GPR39: variants seen among roughly 807,000 people sequenced by gnomAD.
GPR39 encodes G protein-coupled receptor 39, also known as zinc sensing receptor.
In GPR39, 23 loss-of-function variants were observed where a neutral mutation model predicts 18.4. That is an observed-to-expected ratio of 1.25 (90% confidence interval 0.90 to 1.77). The LOEUF is 1.77. Among genes scored for constraint, GPR39 ranks in the 40% most tolerant of loss-of-function variants. The pLI is 0.00. For synonymous variants in GPR39, 280 were observed against 257.9 expected, an observed-to-expected ratio of 1.09 and a Z score of -0.82; for missense variants, 647 against 602.4, an observed-to-expected ratio of 1.07 and a Z score of -0.78.
intron 1 of GPR39, among the ~76,000 whole-genome samples, chr2:132,493,096 A>ACCATATATATACCATATATACACATT (rs1558815044): frequency 2.0e-4 from 8 of 40,378 alleles, no homozygotes; most frequent in African/African-American, 4.0e-4. Flanking sequence ...ATATATATAC[A>ACCATATATATACCATATATACACATT]CCATATATAT....
intron 1 of GPR39, among the ~76,000 whole-genome samples, chr2:132,566,495 A>G (rs1680352003): frequency 6.6e-6 from 1 of 152,192 alleles, no homozygotes; most frequent in Non-Finnish European, 1.5e-5. Context: ...AAAAATCTCA[A>G]AAGCAGGTGT....
At chr2:132,453,941 T>G (rs1452694154) in intron 1 of GPR39, among the ~76,000 whole-genome samples, 2 of 152,230 alleles carry the variant, frequency 1.3e-5, no homozygotes, top group Non-Finnish European at 2.9e-5. Context: ...TTCCTTTGGC[T>G]TAGGATTGTC....
intron 1 of GPR39, among the ~76,000 whole-genome samples, chr2:132,453,059 G>C (rs1332166096): frequency 6.6e-6 from 1 of 152,182 alleles, no homozygotes; most frequent in East Asian, 1.9e-4. Flanking sequence ...TCACCACACT[G>C]TCTTCTACAA....
chr2:132,578,067 G>GTTT lies in GPR39; in HGVS notation c.857-67019_857-67017dup, dbSNP rs34297392. On this transcript the variant is annotated intron_variant, in intron 1 of 1. Coordinates refer to ENST00000329321, the MANE Select transcript of GPR39 (RefSeq NM_001508.3). ...TCCCCTCTATTTCTATTTTTCTAGA[G>GTTT]TTTTTTTTTTTTTTTTTATAAATGG... is the stretch of plus-strand genomic sequence containing the variant. 2.6e-3 allele frequency among the ~76,000 whole-genome samples: 347 copies of GTTT among 131,742 alleles called. 2 individuals are homozygous for GTTT. The highest frequency in any genetic ancestry group is 8.7e-3 in the African/African-American group (314 of 35,916). The allele number at this position is 131,742 out of a possible 152,430, so 86.4% of individuals were successfully genotyped here. A position where few individuals can be genotyped will look rare whatever the true frequency, so the allele number is the denominator to read the frequency against.
chr2:132,621,181 C>T lies in GPR39; in HGVS notation c.857-23920C>T, dbSNP rs530428152. On this transcript the variant is annotated intron_variant, in intron 1 of 1. Transcript: ENST00000329321. ...GCTTCAGCCACCCATCCCTAGAGTC[C>T]CTCTCCCAGCTGGACCTGGAAGATT... Among the ~76,000 whole-genome samples the T allele has an allele frequency of 2.0e-5, 3 of 152,318 alleles. No individual in the cohort carries two copies. In the East Asian group the frequency reaches 5.8e-4, roughly 29 times the overall value.
chr2:132,507,871 T>C (rs1490124488), intron 1 of GPR39, among the ~76,000 whole-genome samples: 1 of 152,100 alleles, frequency 6.6e-6, no homozygotes, highest in Non-Finnish European at 1.5e-5. Flanking sequence ...GTCCCAAACA[T>C]GGTTATCTTT....
intron 1 of GPR39, among the ~76,000 whole-genome samples, chr2:132,623,339 C>G (rs551160518): frequency 6.6e-6 from 1 of 152,164 alleles, no homozygotes; most frequent in East Asian, 1.9e-4. Flanking sequence ...GGACTCCACG[C>G]TCCTGATACC....
chr2:132,632,045 T>C (rs1463006417), intron 1 of GPR39, among the ~76,000 whole-genome samples: 2 of 152,024 alleles, frequency 1.3e-5, no homozygotes, highest in African/African-American at 4.8e-5. Flanking sequence ...GTTCTTGACC[T>C]CCTAACCTCA....
intron 1 of GPR39, among the ~76,000 whole-genome samples, chr2:132,623,914 G>A (rs1290662134): frequency 1.3e-5 from 2 of 152,082 alleles, no homozygotes; most frequent in African/African-American, 4.8e-5. Context: ...TAGAGGAGCA[G>A]CCCACTCCCT....
intron 1 of GPR39, among the ~76,000 whole-genome samples, chr2:132,423,373 T>G (rs1050352178): frequency 2.2e-4 from 34 of 152,160 alleles, no homozygotes; most frequent in African/African-American, 8.0e-4. Context: ...TACAACTTTA[T>G]TTTACCCGAA....
chr2:132,512,066 TC>T (rs1679251858), intron 1 of GPR39, among the ~76,000 whole-genome samples: 1 of 152,176 alleles, frequency 6.6e-6, no homozygotes, highest in African/African-American at 2.4e-5. Context: ...ACCTGGGGGC[TC>T]CCTTTTTCCT....
chr2:132,425,395 T>G lies in GPR39; in HGVS notation c.856+7497T>G, dbSNP rs191323145. 5.3e-5 allele frequency among the ~76,000 whole-genome samples: 8 copies of G among 152,182 alleles called. No homozygotes were observed. The East Asian group carries it at 1.6e-3, about 30-fold the overall frequency. ...GAGTAGCCATGCATTGCTTGAGAGA[T>G]TGATGGATTGAAGTTCTCTGACAGT... On this transcript the variant is annotated intron_variant, in intron 1 of 1. Coordinates refer to ENST00000329321, the MANE Select transcript of GPR39 (RefSeq NM_001508.3).
chr2:132,510,437 T>G (rs1294940948), intron 1 of GPR39, among the ~76,000 whole-genome samples: 1 of 152,038 alleles, frequency 6.6e-6, no homozygotes, highest in African/African-American at 2.4e-5. Context: ...CTGCCCTCAG[T>G]TTTATACTTT....
At chr2:132,422,631 G>C (rs376805126) in intron 1 of GPR39, among the ~76,000 whole-genome samples, 3 of 151,960 alleles carry the variant, frequency 2.0e-5, no homozygotes, top group African/African-American at 7.3e-5. Context: ...GACTTTTTTA[G>C]TGTAAGATAT....
chr2:132,543,879 G>A lies in GPR39; in HGVS notation c.857-101222G>A, dbSNP rs139863652. On this transcript the variant is annotated intron_variant, in intron 1 of 1. Transcript: ENST00000329321. ...TGTTTCACACCTGAACTCCCCAGTG[G>A]CATGCAAGCAAGGGCTTTTCAAGGC... Among the ~76,000 whole-genome samples the A allele has an allele frequency of 4.6e-4, 70 of 152,328 alleles. No homozygotes were observed. The East Asian group carries it at 0.011, about 24-fold the overall frequency.
At chr2:132,582,733 C>A (rs1680646999) in intron 1 of GPR39, among the ~76,000 whole-genome samples, 1 of 152,220 alleles carries the variant, frequency 6.6e-6, no homozygotes, top group Non-Finnish European at 1.5e-5. Context: ...TCTGCCCAGC[C>A]AAGCCAGGTC....
chr2:132,487,530 A>G (rs1399447121), intron 1 of GPR39, among the ~76,000 whole-genome samples: 2 of 152,220 alleles, frequency 1.3e-5, no homozygotes, highest in East Asian at 3.8e-4. Context: ...GCTTAAAGTA[A>G]TTAACAAAGG....
chr2:132,607,861 G>T (rs1681168941), intron 1 of GPR39, among the ~76,000 whole-genome samples: 1 of 152,180 alleles, frequency 6.6e-6, no homozygotes, highest in South Asian at 2.1e-4. Context: ...GTCTTTAATA[G>T]TAGGGAGGCC....
chr2:132,505,743 A>G (rs998980946), intron 1 of GPR39, among the ~76,000 whole-genome samples: 1 of 152,232 alleles, frequency 6.6e-6, no homozygotes. Context: ...CATTCTTTTT[A>G]TGGCCATATA....
Sources: allele counts gnomAD v4.1 joint callset (sites outside exome capture counted in the v4.1 genomes callset), GRCh38; gene constraint gnomAD v4.1.1; transcripts MANE v1.5; gene names NCBI Gene and HGNC (gene_info 2026-07-23, HGNC 2026-07-21).